Variants in CENPQ observed in about 807,000 individuals in gnomAD.
The protein encoded by CENPQ is chromosome 6 open reading frame 139.
CENPQ carries 27 observed loss-of-function variants against 36.6 expected under a neutral mutation model. That is an observed-to-expected ratio of 0.74 (90% CI 0.54 to 1.02). The LOEUF (loss-of-function observed/expected upper bound fraction) is 1.02, where lower values mean the gene tolerates loss of function less well. Among genes scored for constraint, CENPQ ranks in the 50% least tolerant of loss-of-function variants. The pLI is 0.00. For missense variants in CENPQ, 306 were observed against 301.8 expected (o/e 1.01, Z -0.10); for synonymous variants, 101 against 101.7 (o/e 0.99, Z 0.04).
At chr6:49,489,019 G>A (rs978367918) in intron 8 of CENPQ, among the ~76,000 whole-genome samples, 12 of 152,154 alleles carry the variant, frequency 7.9e-5, no homozygotes, top group Non-Finnish European at 1.8e-4. Flanking sequence ...GACTGATAGC[G>A]TGGTGATTAC....
At chr6:49,488,994 A>G (rs569820424) in intron 8 of CENPQ, among the ~76,000 whole-genome samples, 4 of 152,230 alleles carry the variant, frequency 2.6e-5, no homozygotes, top group African/African-American at 4.8e-5. Flanking sequence ...TCTTGCCTCA[A>G]TGTTGATGGC....
chr6:49,487,754 G>A (rs1402264795), intron 6 of CENPQ, among the ~76,000 whole-genome samples: 4 of 152,042 alleles, frequency 2.6e-5, no homozygotes, highest in African/African-American at 9.7e-5. Flanking sequence ...TACTTGGCCT[G>A]CACACAACAC....
intron 1 of CENPQ, among the ~76,000 whole-genome samples, chr6:49,469,615 A>G (rs1241548496): frequency 6.6e-6 from 1 of 152,186 alleles, no homozygotes; most frequent in African/African-American, 2.4e-5. Context: ...CCCAGATAGG[A>G]TTGCAGTTTA....
intron 1 of CENPQ, among the ~76,000 whole-genome samples, chr6:49,464,297 A>G (rs1476846092): frequency 6.6e-6 from 1 of 152,192 alleles, no homozygotes; most frequent in East Asian, 1.9e-4. Flanking sequence ...GTAATTTTAA[A>G]ATATTTTATT....
intron 6 of CENPQ, among the ~76,000 whole-genome samples, chr6:49,487,779 G>A (rs1382820773): frequency 3.9e-5 from 6 of 152,000 alleles, no homozygotes; most frequent in African/African-American, 1.4e-4. Context: ...TTGATGTGTT[G>A]TCCCCATACT....
At chr6:49,492,041 A>T in intron 8 of CENPQ, 103 bp from the exon 9 acceptor site, 1 of 843,482 alleles carries the variant, frequency 1.2e-6, no homozygotes, top group Admixed American at 3.1e-5. Context: ...TTGAAGTTGG[A>T]TGATAGATAC....
intron 5 of CENPQ, among the ~76,000 whole-genome samples, chr6:49,474,299 G>A (rs1239285622): frequency 2.0e-5 from 3 of 152,098 alleles, no homozygotes; most frequent in South Asian, 2.1e-4. Context: ...CAAAAGAACA[G>A]AAATTATAAC....
intron 7 of CENPQ, 51 bp from the exon 8 acceptor site, chr6:49,488,553 TATG>T (rs1689061562): frequency 3.1e-6 from 5 of 1,595,724 alleles, no homozygotes; most frequent in Non-Finnish European, 3.4e-6. Flanking sequence ...TCGAGTATAA[TATG>T]ATGAGAGAAA....
intron 5 of CENPQ, among the ~76,000 whole-genome samples, chr6:49,473,191 T>G (rs1768186949): frequency 1.3e-5 from 2 of 152,220 alleles, no homozygotes; most frequent in Non-Finnish European, 2.9e-5. Context: ...TCACAACTCT[T>G]ATCTATCTGA....
chr6:49,483,799 C>T (rs886634653), intron 6 of CENPQ, among the ~76,000 whole-genome samples: 1 of 152,238 alleles, frequency 6.6e-6, no homozygotes, highest in Non-Finnish European at 1.5e-5. Flanking sequence ...GCGCCTCTCC[C>T]TCCACACCTC....
rs756673195 is a variant in CENPQ at position 49,488,664 on chromosome 6, C to G, written c.655C>G (p.Leu219Val). The change falls in exon 8 of 9, where the codon CTC becomes GTC. Residue 219 changes from leucine to valine, a missense_variant. Transcript: ENST00000335783. ...TCTTCCGGAACTTTCTCAGAAAACTCTCAAAGCACCCACACTTCAGGTAAG... is the reference window on the plus strand; with the variant it reads ...TCTTCCGGAACTTTCTCAGAAAACTGTCAAAGCACCCACACTTCAGGTAAG... ...LSLPELSQKT[L>V]KAPTLQKEIL... The G allele has an allele frequency of 8.7e-6, 14 of 1,612,936 alleles. No individual in the cohort carries two copies. Among genetic ancestry groups the G allele is most frequent in the Non-Finnish European group, 1.2e-5 (14 of 1,179,188 alleles).
chr6:49,489,544 T>A (rs991852913), intron 8 of CENPQ, among the ~76,000 whole-genome samples: 3 of 152,206 alleles, frequency 2.0e-5, no homozygotes, highest in Admixed American at 1.3e-4. Flanking sequence ...GACTTCCTCT[T>A]GTGAATCATG....
chr6:49,482,394 C>T (rs1288460025), intron 6 of CENPQ, among the ~76,000 whole-genome samples: 3 of 152,182 alleles, frequency 2.0e-5, no homozygotes, highest in Non-Finnish European at 4.4e-5. Flanking sequence ...TCAATCCCCC[C>T]TCTAAACAGG....
intron 1 of CENPQ, among the ~76,000 whole-genome samples, chr6:49,469,319 T>A (rs1385552455): frequency 6.6e-6 from 1 of 152,218 alleles, no homozygotes; most frequent in African/African-American, 2.4e-5. Flanking sequence ...TATGTGTATA[T>A]GTTTATATGT....
chr6:49,472,747 G>T, intron 4 of CENPQ, 43 bp from the exon 5 acceptor site: 2 of 1,373,884 alleles, frequency 1.5e-6, no homozygotes, highest in Non-Finnish European at 9.7e-7. Context: ...TATATGATTT[G>T]TGCATCAGAC....
chr6:49,485,319 A>G (rs780126235), intron 6 of CENPQ, among the ~76,000 whole-genome samples: 10 of 152,206 alleles, frequency 6.6e-5, no homozygotes, highest in Non-Finnish European at 1.5e-4. Context: ...TGCTGGGGAA[A>G]CAACAATGGT....
Position 49,480,986 on chromosome 6 carries a change from C to A in CENPQ, c.383C>A (p.Pro128His). ...LQQCETLKVP[P>H]KKMEDLTNVS... ...CAGTGTGAAACTCTGAAAGTCCCTC[C>A]CAAAAAGATGGAAGATTTAACTAAT... The change falls in exon 6 of 9, where the codon CCC (proline) becomes CAC (histidine). Residue 128 changes from proline to histidine, a missense_variant. Transcript: ENST00000335783. 6.2e-7 allele frequency: 1 copy of A among 1,606,996 alleles called. No individual in the cohort carries two copies. Among genetic ancestry groups the A allele is most frequent in the Admixed American group, 1.7e-5 (1 of 59,182 alleles).
chr6:49,464,695 G>C (rs971563995), intron 1 of CENPQ, among the ~76,000 whole-genome samples: 2 of 152,150 alleles, frequency 1.3e-5, no homozygotes, highest in Non-Finnish European at 2.9e-5. Flanking sequence ...CAAGAACTTC[G>C]CTCATTCATA....
At chr6:49,468,634 T>G (rs963660516) in intron 1 of CENPQ, among the ~76,000 whole-genome samples, 1 of 152,134 alleles carries the variant, frequency 6.6e-6, no homozygotes, top group East Asian at 1.9e-4. Flanking sequence ...GAAGTCAAAG[T>G]TGCCAGTCTC....
Sources: allele counts gnomAD v4.1 joint callset (sites outside exome capture counted in the v4.1 genomes callset), GRCh38; gene constraint gnomAD v4.1.1; transcripts MANE v1.5; gene names NCBI Gene and HGNC (gene_info 2026-07-23, HGNC 2026-07-21).